The following PGCKA1 variants were observed in gnomAD, a reference collection of about 807,000 sequenced individuals.
The protein encoded by PGCKA1 is PDCD10 and GCKIII kinases associated 1, also known as PDCD10 and GCKIII kinases-associated protein 1.
At chr4:37,549,025 C>G in the PGCKA1 span, among the ~76,000 whole-genome samples, 1 of 151,516 alleles carries the variant, frequency 6.6e-6, no homozygotes, top group Non-Finnish European at 1.5e-5. Context: ...ATAAGTCATG[C>G]CAAGCTCTCT....
chr4:37,588,123 G>A, the PGCKA1 span: 2 of 152,286 alleles, frequency 1.3e-5, no homozygotes, highest in Admixed American at 1.3e-4. Flanking sequence ...CAAAGGAAAT[G>A]ATGGGGAAAA....
chr4:37,503,778 C>T, the PGCKA1 span, among the ~76,000 whole-genome samples: 15 of 152,174 alleles, frequency 9.9e-5, no homozygotes, highest in African/African-American at 2.9e-4. Context: ...GATCTTTTGC[C>T]GATTTTTTAA....
chr4:37,509,273 A>ACCTC, the PGCKA1 span, among the ~76,000 whole-genome samples: 11 of 56,036 alleles, frequency 2.0e-4, no homozygotes, highest in South Asian at 5.9e-4. Flanking sequence ...GGCGCCCCCC[A>ACCTC]CCTCCCAGAC....
chr4:37,458,768 C>A, the PGCKA1 span, among the ~76,000 whole-genome samples: 1 of 152,100 alleles, frequency 6.6e-6, no homozygotes, highest in Non-Finnish European at 1.5e-5. Context: ...GAGAAATAGA[C>A]CCCACTTTTT....
the PGCKA1 span, among the ~76,000 whole-genome samples, chr4:37,485,972 G>A: frequency 9.2e-5 from 14 of 152,266 alleles, no homozygotes; most frequent in East Asian, 1.9e-4. Flanking sequence ...GTTAAGCACC[G>A]TATCATGAAT....
At chr4:37,454,021 C>CCGCCGCCGT in the PGCKA1 span, 1 of 160,822 alleles carries the variant, frequency 6.2e-6, no homozygotes, top group African/African-American at 2.4e-5. Flanking sequence ...GCCGCCGCCG[C>CCGCCGCCGT]CGCCGCCGTC....
the PGCKA1 span, among the ~76,000 whole-genome samples, chr4:37,569,825 C>T: frequency 5.5e-4 from 83 of 152,178 alleles, 1 homozygote; most frequent in Non-Finnish European, 9.4e-4. Context: ...GAGCCTTTTC[C>T]AGGGAGAAAA....
chr4:37,537,842 A>C, the PGCKA1 span, among the ~76,000 whole-genome samples: 2,457 of 152,342 alleles, frequency 0.016, 56 homozygotes, highest in African/African-American at 0.056. Flanking sequence ...CAAGTTATTT[A>C]GGCTTGCTAA....
chr4:37,589,004 A>G, the PGCKA1 span: 2 of 804,314 alleles, frequency 2.5e-6, no homozygotes, highest in Non-Finnish European at 4.3e-6. Flanking sequence ...AGCTTGGGGC[A>G]TGATCAACAT....
At chr4:37,522,007 C>T in the PGCKA1 span, among the ~76,000 whole-genome samples, 1 of 152,078 alleles carries the variant, frequency 6.6e-6, no homozygotes, top group Non-Finnish European at 1.5e-5. Flanking sequence ...ATAGTGACTC[C>T]TGCTTTTCTT....
the PGCKA1 span, among the ~76,000 whole-genome samples, chr4:37,509,206 C>A: frequency 2.2e-5 from 3 of 134,664 alleles, no homozygotes; most frequent in Non-Finnish European, 3.2e-5. Flanking sequence ...ACCTCCCAGA[C>A]GGGGTGGCGG....
chr4:37,481,350 A>AGCT, the PGCKA1 span, among the ~76,000 whole-genome samples: 25 of 151,780 alleles, frequency 1.6e-4, 1 homozygote, highest in Non-Finnish European at 3.2e-4. Flanking sequence ...CTGTAGTCCC[A>AGCT]GCTACTTGGG....
the PGCKA1 span, among the ~76,000 whole-genome samples, chr4:37,574,599 T>C: frequency 6.6e-6 from 1 of 152,220 alleles, no homozygotes; most frequent in Non-Finnish European, 1.5e-5. Context: ...CTTTGTGTTA[T>C]AAACAAACAA....
the PGCKA1 span, among the ~76,000 whole-genome samples, chr4:37,560,951 C>T: frequency 4.4e-3 from 286 of 64,508 alleles, no homozygotes; most frequent in African/African-American, 0.014. Context: ...TGTGACTGTT[C>T]CCTTCATCTT....
At chr4:37,462,501 G>A in the PGCKA1 span, among the ~76,000 whole-genome samples, 1 of 152,120 alleles carries the variant, frequency 6.6e-6, no homozygotes, top group Non-Finnish European at 1.5e-5. Flanking sequence ...ATGCTTCAAA[G>A]TTTATATTGG....
At chr4:37,525,087 C>G in the PGCKA1 span, among the ~76,000 whole-genome samples, 4 of 152,190 alleles carry the variant, frequency 2.6e-5, no homozygotes, top group Non-Finnish European at 5.9e-5. Context: ...TATTTCAACC[C>G]TGCAAACGTG....
chr4:37,528,920 C>T, the PGCKA1 span, among the ~76,000 whole-genome samples: 7 of 152,228 alleles, frequency 4.6e-5, no homozygotes, highest in South Asian at 2.1e-4. Context: ...TGCTTTGTTC[C>T]GGCTTAAGCT....
the PGCKA1 span, among the ~76,000 whole-genome samples, chr4:37,478,148 C>T: frequency 1.8e-5 from 2 of 110,516 alleles, no homozygotes; most frequent in Non-Finnish European, 4.2e-5. Flanking sequence ...AAACACCCCC[C>T]CCCACCGCCA....
the PGCKA1 span, among the ~76,000 whole-genome samples, chr4:37,527,032 C>T: frequency 7.3e-5 from 11 of 151,680 alleles, no homozygotes; most frequent in Non-Finnish European, 1.5e-4. Flanking sequence ...CAATCCTGGC[C>T]GTGCGTAGGC....
Sources: allele counts gnomAD v4.1 joint callset (sites outside exome capture counted in the v4.1 genomes callset), GRCh38; gene constraint gnomAD v4.1.1; transcripts MANE v1.5; gene names NCBI Gene and HGNC (gene_info 2026-07-23, HGNC 2026-07-21).